Variants in ADGRL4 observed in about 807,000 individuals in gnomAD.
The protein encoded by ADGRL4 is EGF, latrophilin and seven transmembrane domain containing 1.
Under a neutral mutation model 74.8 loss-of-function variants are expected in ADGRL4, and 90 were observed. That is an observed-to-expected ratio of 1.20 (90% confidence interval 1.02 to 1.43). The LOEUF is 1.43. Among genes scored for constraint, ADGRL4 ranks in the 40% most tolerant of loss-of-function variants. The probability of loss-of-function intolerance (pLI) is 0.00; values close to 1 mark genes in which losing one functional copy is unlikely to be tolerated. For missense variants in ADGRL4, 881 were observed against 814.3 expected, an observed-to-expected ratio of 1.08 and a Z score of -1.00; for synonymous variants, 311 against 279.2, an observed-to-expected ratio of 1.11 and a Z score of -1.14.
rs1297595798 is a variant in ADGRL4, at chr1:78,920,179, A to C, written c.1461+4T>G. On this transcript the variant is annotated splice_donor_region_variant and intron_variant, in intron 10 of 14. Coordinates refer to ENST00000370742, the MANE Select transcript of ADGRL4 (RefSeq NM_022159.4). ...CAAAAATAGAGATTAGGATGCCTACATACCTTATTAGTATTTGTATTGATC... is the reference window on the plus strand; with the variant it reads ...CAAAAATAGAGATTAGGATGCCTACCTACCTTATTAGTATTTGTATTGATC... The C allele has an allele frequency of 4.4e-6, 7 of 1,605,884 alleles. No homozygotes were observed. The highest frequency in any genetic ancestry group is 6.0e-6 in the Non-Finnish European group (7 of 1,174,620).
At chr1:78,979,541 C>A (rs974639009) in intron 2 of ADGRL4, among the ~76,000 whole-genome samples, 1 of 151,870 alleles carries the variant, frequency 6.6e-6, no homozygotes, top group Non-Finnish European at 1.5e-5. Context: ...AGCAATCCCA[C>A]GACTGGGTAT....
chr1:78,920,174 C>G lies in ADGRL4; in HGVS notation c.1461+9G>C. On this transcript the variant is annotated intron_variant, in intron 10 of 14. Coordinates refer to ENST00000370742, the MANE Select transcript of ADGRL4 (RefSeq NM_022159.4). ...TAGGACAAAAATAGAGATTAGGATG[C>G]CTACATACCTTATTAGTATTTGTAT... 1 of 1,596,102 alleles carries G rather than the reference C, an allele frequency of 6.3e-7. No individual in the cohort carries two copies. Among genetic ancestry groups the G allele is most frequent in the Non-Finnish European group, 8.6e-7 (1 of 1,168,642 alleles).
At chr1:78,984,293 GC>G (rs1650452239) in intron 2 of ADGRL4, among the ~76,000 whole-genome samples, 2 of 151,668 alleles carry the variant, frequency 1.3e-5, no homozygotes, top group Admixed American at 1.3e-4. Flanking sequence ...GGAGATTGGT[GC>G]TAAAATATTA....
rs17852292 is a variant in ADGRL4, at chr1:78,918,030, G to A, written c.1482C>T (p.Ala494=). Residue 494 remains alanine (A), a synonymous_variant, in exon 11 of 15, where the codon GCC becomes GCT. Transcript: ENST00000370742. ...NTNKLFCSII[A]GLLHYFFLAA... Reference sequence around the variant, plus strand: ...CTAAAAAGAAGTAGTGTAGCAGTCCGGCAATGATTGAACAGAAGAGCTAGA... The same window carrying A: ...CTAAAAAGAAGTAGTGTAGCAGTCCAGCAATGATTGAACAGAAGAGCTAGA... 2.2e-5 allele frequency: 35 copies of A among 1,609,980 alleles called. No individual in the cohort carries two copies. The highest frequency in any genetic ancestry group is 2.8e-5 in the Non-Finnish European group (33 of 1,177,776).
chr1:78,939,320 A>C, intron 3 of ADGRL4, 62 bp from the exon 4 acceptor site: 1 of 1,350,394 alleles, frequency 7.4e-7, no homozygotes, highest in Non-Finnish European at 9.7e-7. Flanking sequence ...TAAGCTGATC[A>C]TATCAATCCC....
At chr1:78,910,624 TGAATC>T (rs1262515587) in intron 12 of ADGRL4, among the ~76,000 whole-genome samples, 4 of 151,854 alleles carry the variant, frequency 2.6e-5, no homozygotes, top group Admixed American at 2.0e-4. Flanking sequence ...GTTGTGTACT[TGAATC>T]TAATCACTTA....
At chr1:79,005,261 A>G (rs1405469524) in intron 1 of ADGRL4, 42 bp from the exon 2 acceptor site, 1 of 1,444,296 alleles carries the variant, frequency 6.9e-7, no homozygotes, top group African/African-American at 1.4e-5. Context: ...AAAGTAAAAC[A>G]AACATCTCTC....
intron 7 of ADGRL4, among the ~76,000 whole-genome samples, chr1:78,927,608 G>A (rs547075523): frequency 6.1e-4 from 93 of 152,160 alleles, no homozygotes; most frequent in African/African-American, 2.1e-3. Flanking sequence ...ATTATGCAGT[G>A]TCGGGGTAGA....
At chr1:79,001,191 GAGGA>G (rs1181042460) in intron 2 of ADGRL4, among the ~76,000 whole-genome samples, 20 of 84,484 alleles carry the variant, frequency 2.4e-4, no homozygotes, top group South Asian at 1.2e-3. Context: ...GGGAGGGAGG[GAGGA>G]AGGAAGGAAG....
rs960492869 is a variant in ADGRL4, at chr1:78,990,353, A to C, written c.172+14717T>G. 2.6e-5 allele frequency among the ~76,000 whole-genome samples: 4 copies of C among 152,006 alleles called. No homozygotes were observed. The South Asian group carries it at 8.3e-4, about 31-fold the overall frequency. ...ATGGAATTATTAAGGCATTACTAGT[A>C]ATAAGTCCCCTGTTCACAATTTAGG... On this transcript the variant is annotated intron_variant, in intron 2 of 14. Coordinates refer to ENST00000370742, the MANE Select transcript of ADGRL4 (RefSeq NM_022159.4).
chr1:78,936,030 A>G lies in ADGRL4; in HGVS notation c.877+265T>C, dbSNP rs1168297315. Among the ~76,000 whole-genome samples, 4 of 74,682 alleles carry G rather than the reference A, an allele frequency of 5.4e-5. 2 individuals carry two copies. Among genetic ancestry groups the G allele is most frequent in the Non-Finnish European group, 5.9e-5 (2 of 34,150 alleles). The allele number at this position is 74,682 out of a possible 152,430, so 49.0% of individuals were successfully genotyped here. ...TCCCAGCTACTCGGGAGGCTGAGGC[A>G]GGAGAATGGCGTGAACCCGGGAGGC... On this transcript the variant is annotated intron_variant, in intron 7 of 14. Transcript: ENST00000370742.
chr1:78,962,596 C>A (rs182344212), intron 2 of ADGRL4, among the ~76,000 whole-genome samples: 1 of 152,188 alleles, frequency 6.6e-6, no homozygotes, highest in East Asian at 1.9e-4. Flanking sequence ...GTTAGGATAA[C>A]ATCTTTTTCT....
At chr1:78,930,565 C>T (rs1049304398) in intron 7 of ADGRL4, among the ~76,000 whole-genome samples, 1 of 149,448 alleles carries the variant, frequency 6.7e-6, no homozygotes, top group African/African-American at 2.5e-5. Context: ...AATTCTCTGC[C>T]TCAGCCACCT....
chr1:78,901,670 T>C (rs149407165), intron 12 of ADGRL4, among the ~76,000 whole-genome samples: 177 of 152,314 alleles, frequency 1.2e-3, no homozygotes, highest in African/African-American at 4.1e-3. Flanking sequence ...AGTACATTTG[T>C]CAAAATTCAC....
intron 2 of ADGRL4, among the ~76,000 whole-genome samples, chr1:78,983,362 A>G (rs1650433376): frequency 6.6e-6 from 1 of 151,822 alleles, no homozygotes; most frequent in Non-Finnish European, 1.5e-5. Flanking sequence ...TTAAAGAGAT[A>G]AGCAATGGAG....
chr1:78,941,488 CT>C (rs2100691431), intron 3 of ADGRL4, among the ~76,000 whole-genome samples: 1 of 152,250 alleles, frequency 6.6e-6, no homozygotes, highest in East Asian at 1.9e-4. Context: ...TTTGAATACC[CT>C]TGTTTTGTAG....
chr1:79,005,276 T>C, intron 1 of ADGRL4, 57 bp from the exon 2 acceptor site: 1 of 1,316,772 alleles, frequency 7.6e-7, no homozygotes, highest in Non-Finnish European at 1.0e-6. Context: ...TCTCTCCCCA[T>C]TGTTGAATTA....
rs778616053 is a variant in ADGRL4, at chr1:78,938,121, G to T, written c.555C>A (p.Thr185=). 1.1e-5 allele frequency: 17 copies of T among 1,612,580 alleles called. No homozygotes were observed. The highest frequency in any genetic ancestry group is 1.7e-5 in the Admixed American group (1 of 59,766). ...YKNNTISAKD[T]LSNSTLTEFV... ...TTACAGTAAGAGTTGAGTTAGAAAGGGTGTCCTTGGCTGAGATAGTGTTGT... is the reference window on the plus strand; with the variant it reads ...TTACAGTAAGAGTTGAGTTAGAAAGTGTGTCCTTGGCTGAGATAGTGTTGT... The change falls in exon 5 of 15, where the codon ACC becomes ACA. Residue 185 remains threonine, a synonymous_variant. Transcript: ENST00000370742.
chr1:78,937,029 A>G (rs571496174), intron 6 of ADGRL4, among the ~76,000 whole-genome samples: 1 of 152,316 alleles, frequency 6.6e-6, no homozygotes, highest in South Asian at 2.1e-4. Flanking sequence ...GGGATCCTCA[A>G]TTTGATACAA....
Sources: gnomAD v4.1 joint callset for allele counts (sites outside exome capture counted in the v4.1 genomes callset) on GRCh38, gnomAD v4.1.1 for gene constraint, MANE v1.5 for transcripts, NCBI Gene and HGNC (gene_info 2026-07-23, HGNC 2026-07-21) for gene names.